MAGI3: variants seen among roughly 807,000 people sequenced by gnomAD.
MAGI3 encodes the protein membrane-associated guanylate kinase, WW and PDZ domain-containing protein 3.
Under a neutral mutation model 121.8 loss-of-function variants are expected in MAGI3, and 43 were observed. The ratio of observed to expected loss-of-function variants is 0.35; its 90% CI spans 0.28 to 0.46. The LOEUF (loss-of-function observed/expected upper bound fraction) is 0.46. Among genes scored for constraint, MAGI3 ranks in the 20% least tolerant of loss-of-function variants. The pLI, the probability that MAGI3 is intolerant of heterozygous loss-of-function variation, is 1.00. For synonymous variants in MAGI3, 553 were observed against 639.3 expected (o/e 0.86, Z 2.04); for missense variants, 1,547 against 1,797.3 (o/e 0.86, Z 2.52).
intron 2 of MAGI3, among the ~76,000 whole-genome samples, chr1:113,577,535 T>G (rs1647729083): frequency 6.6e-6 from 1 of 151,870 alleles, no homozygotes; most frequent in Admixed American, 6.6e-5. Context: ...AATATAAAGA[T>G]AAATTTTATG....
At chr1:113,449,589 T>G in intron 1 of MAGI3, 1 of 587,218 alleles carries the variant, frequency 1.7e-6, no homozygotes, top group Non-Finnish European at 3.0e-6. Context: ...GCAAGTGCAT[T>G]TTTTTTTCCC....
intron 1 of MAGI3, among the ~76,000 whole-genome samples, chr1:113,472,997 C>G (rs1471544430): frequency 6.6e-6 from 1 of 152,174 alleles, no homozygotes. Context: ...TTACACACCA[C>G]TATTACGGTA....
At chr1:113,496,403 C>T (rs927628434) in intron 1 of MAGI3, among the ~76,000 whole-genome samples, 1 of 152,106 alleles carries the variant, frequency 6.6e-6, no homozygotes, top group African/African-American at 2.4e-5. Context: ...TGGTTAAATG[C>T]TTATGATAGC....
At chr1:113,406,529 AG>A (rs1365438012) in intron 1 of MAGI3, among the ~76,000 whole-genome samples, 192 of 152,028 alleles carry the variant, frequency 1.3e-3, no homozygotes, top group African/African-American at 4.4e-3. Context: ...GAAAAAAAAA[AG>A]AAAATAGATT....
rs778347291 is a variant in MAGI3 at position 113,683,282 on chromosome 1, G to A, written c.3714G>A (p.Lys1238=). The A allele has an allele frequency of 3.4e-5, 55 of 1,612,878 alleles. No homozygotes were observed. The highest frequency in any genetic ancestry group is 4.7e-5 in the Non-Finnish European group (55 of 1,179,694). The change falls in exon 21 of 21, where the codon AAG becomes AAA. Residue 1238 remains lysine, a synonymous_variant. Coordinates refer to ENST00000307546, the MANE Select transcript of MAGI3 (RefSeq NM_001142782.2). ...AACATTCAGAGGAACATTTGGATAA[G>A]ATTCCTAGTCCTCTAAAAAATAACC... ...ASQHSEEHLD[K]IPSPLKNNPK...
chr1:113,566,932 A>G (rs559994986), intron 2 of MAGI3, among the ~76,000 whole-genome samples: 24 of 151,948 alleles, frequency 1.6e-4, no homozygotes, highest in Non-Finnish European at 2.9e-4. Context: ...AGGAAATAAT[A>G]AAGACTAGAG....
chr1:113,471,057 C>T (rs559484594), intron 1 of MAGI3, among the ~76,000 whole-genome samples: 5 of 152,228 alleles, frequency 3.3e-5, no homozygotes, highest in South Asian at 2.1e-4. Context: ...CTTACATTTA[C>T]GTCTTTAGTC....
chr1:113,572,843 C>T (rs1557830271), intron 2 of MAGI3, among the ~76,000 whole-genome samples: 3 of 151,776 alleles, frequency 2.0e-5, no homozygotes, highest in Non-Finnish European at 2.9e-5. Context: ...AAAACCAGCT[C>T]CTGGATTCAT....
At chr1:113,644,154 C>A (rs577086525) in intron 11 of MAGI3, among the ~76,000 whole-genome samples, 26 of 152,194 alleles carry the variant, frequency 1.7e-4, no homozygotes, top group Non-Finnish European at 2.9e-4. Context: ...ATCGTCTTGC[C>A]CCTGCCTGAA....
At chr1:113,634,968 C>G (rs1651910211) in intron 9 of MAGI3, among the ~76,000 whole-genome samples, 1 of 151,968 alleles carries the variant, frequency 6.6e-6, no homozygotes, top group African/African-American at 2.4e-5. Flanking sequence ...AAGTTGGATT[C>G]CTAGGTATTT....
intron 9 of MAGI3, among the ~76,000 whole-genome samples, chr1:113,623,819 A>G (rs1651037118): frequency 6.6e-6 from 1 of 151,704 alleles, no homozygotes; most frequent in Non-Finnish European, 1.5e-5. Flanking sequence ...ATATTCCTTA[A>G]CCATCTCCAC....
intron 14 of MAGI3, among the ~76,000 whole-genome samples, chr1:113,653,575 G>GAA (rs921750189): frequency 6.9e-6 from 1 of 145,522 alleles, no homozygotes. Flanking sequence ...CCATCTCGGG[G>GAA]AAAAAAAAAA....
intron 2 of MAGI3, among the ~76,000 whole-genome samples, chr1:113,552,774 G>T (rs1044842898): frequency 1.3e-5 from 2 of 152,114 alleles, no homozygotes; most frequent in African/African-American, 4.8e-5. Flanking sequence ...AAAAATTGAA[G>T]TGTCCAAAGC....
Position 113,515,879 on chromosome 1 carries a change from C to T in MAGI3, c.317-33636C>T, listed in dbSNP as rs913559518. Among the ~76,000 whole-genome samples, 12 of 152,012 alleles carry T rather than the reference C, an allele frequency of 7.9e-5. 1 individual carries two copies. Among genetic ancestry groups the T allele is most frequent in the Non-Finnish European group, 1.5e-4 (10 of 67,942 alleles). ...ATCATTCCACAGAGGTAGGCATGTG[C>T]AGGTTGTTGAATTGTACTATTATAG... On this transcript the variant is annotated intron_variant, in intron 1 of 20. Transcript: ENST00000307546.
At chr1:113,409,385 C>G (rs1158887341) in intron 1 of MAGI3, among the ~76,000 whole-genome samples, 1 of 151,780 alleles carries the variant, frequency 6.6e-6, no homozygotes, top group Admixed American at 6.6e-5. Flanking sequence ...TGGTTCACAC[C>G]TTTAATCCCA....
chr1:113,416,134 T>G (rs189259858), intron 1 of MAGI3, among the ~76,000 whole-genome samples: 1 of 121,814 alleles, frequency 8.2e-6, no homozygotes, highest in African/African-American at 3.1e-5. Flanking sequence ...TAATGACACA[T>G]ATTAATTATG....
chr1:113,653,438 G>C (rs1411617031), intron 14 of MAGI3, among the ~76,000 whole-genome samples: 2 of 152,112 alleles, frequency 1.3e-5, no homozygotes, highest in Non-Finnish European at 2.9e-5. Context: ...CGGGCATGGT[G>C]GTGGGCACCT....
chr1:113,505,973 T>C (rs1361625429), intron 1 of MAGI3, among the ~76,000 whole-genome samples: 1 of 152,138 alleles, frequency 6.6e-6, no homozygotes, highest in Non-Finnish European at 1.5e-5. Flanking sequence ...TTATGAGCAC[T>C]GGAAGATTAT....
chr1:113,451,365 A>G (rs887274929), intron 1 of MAGI3, among the ~76,000 whole-genome samples: 3 of 152,140 alleles, frequency 2.0e-5, no homozygotes, highest in Non-Finnish European at 4.4e-5. Flanking sequence ...ATCATCTTGG[A>G]TTTGTTTTAA....
Sources: allele counts gnomAD v4.1 joint callset (sites outside exome capture counted in the v4.1 genomes callset), GRCh38; gene constraint gnomAD v4.1.1; transcripts MANE v1.5; gene names NCBI Gene and HGNC (gene_info 2026-07-23, HGNC 2026-07-21).